RAP1GAP2: variants seen among roughly 807,000 people sequenced by gnomAD.
RAP1GAP2 encodes the protein RAP1 GTPase activating protein 2.
In RAP1GAP2, 27 loss-of-function variants were observed where a neutral mutation model predicts 95.0. The ratio of observed to expected loss-of-function variants is 0.28; its 90% confidence interval spans 0.21 to 0.39. The LOEUF (loss-of-function observed/expected upper bound fraction) is 0.39, where lower values mean the gene tolerates loss of function less well. Ranked by LOEUF, RAP1GAP2 falls within the 10% of genes least tolerant of loss-of-function variation. The pLI, the probability that RAP1GAP2 is intolerant of heterozygous loss-of-function variation, is 1.00. For missense variants in RAP1GAP2, 771 were observed against 970.0 expected (o/e 0.79, Z 2.72); for synonymous variants, 373 against 380.9 (o/e 0.98, Z 0.24).
intron 2 of RAP1GAP2, among the ~76,000 whole-genome samples, chr17:2,818,106 G>A (rs1185082792): frequency 1.3e-5 from 2 of 151,958 alleles, no homozygotes; most frequent in Non-Finnish European, 2.9e-5. Context: ...AAAGTGCTGG[G>A]ATTACAGGCG....
intron 11 of RAP1GAP2, among the ~76,000 whole-genome samples, chr17:2,987,154 A>T (rs2045585282): frequency 2.0e-5 from 3 of 152,240 alleles, no homozygotes. Flanking sequence ...CACAGGCAGC[A>T]GGCCAGACTT....
rs368216059 is a variant in RAP1GAP2 at position 2,860,039 on chromosome 17, C to T, written c.81-45245C>T. Among the ~76,000 whole-genome samples, 12 of 150,902 alleles carry T rather than the reference C, an allele frequency of 8.0e-5. 1 individual carries two copies. Among genetic ancestry groups the T allele is most frequent in the South Asian group, 4.2e-4 (2 of 4,794 alleles). Reference sequence around the variant, plus strand: ...TGTTTCTAGGGTGTGAACCTGGTATCGGGAGATTACCTGTGTCCTGCCATT... The same window carrying T: ...TGTTTCTAGGGTGTGAACCTGGTATTGGGAGATTACCTGTGTCCTGCCATT... On this transcript the variant is annotated intron_variant, in intron 2 of 24. Transcript: ENST00000254695.
At chr17:2,977,458 G>A (rs866472257) in intron 8 of RAP1GAP2, among the ~76,000 whole-genome samples, 10 of 151,840 alleles carry the variant, frequency 6.6e-5, no homozygotes, top group Admixed American at 1.3e-4. Context: ...TATTTCAAAG[G>A]ATCAAGCTGG....
intron 1 of RAP1GAP2, among the ~76,000 whole-genome samples, chr17:2,768,492 G>A (rs2068318838): frequency 6.6e-6 from 1 of 152,066 alleles, no homozygotes; most frequent in South Asian, 2.1e-4. Flanking sequence ...AGCAGTTCCA[G>A]ACCAGCCTGG....
At chr17:2,991,265 A>G (rs375575628) in intron 11 of RAP1GAP2, 32 bp from the exon 12 acceptor site, 7 of 1,510,722 alleles carry the variant, frequency 4.6e-6, no homozygotes, top group Non-Finnish European at 5.4e-6. Context: ...GAATTTTTCT[A>G]ATTCCTGCCC....
intron 1 of RAP1GAP2, among the ~76,000 whole-genome samples, chr17:2,780,258 T>C (rs981814416): frequency 2.0e-5 from 3 of 152,054 alleles, no homozygotes; most frequent in Non-Finnish European, 4.4e-5. Context: ...TCCATGTTGG[T>C]CAGGCTGGTC....
At chr17:2,911,792 C>T (rs764058331) in intron 3 of RAP1GAP2, among the ~76,000 whole-genome samples, 2 of 152,144 alleles carry the variant, frequency 1.3e-5, no homozygotes, top group Non-Finnish European at 2.9e-5. Flanking sequence ...CCTTCCCAGG[C>T]CCCGTGAAGT....
intron 2 of RAP1GAP2, among the ~76,000 whole-genome samples, chr17:2,830,584 G>C (rs1289967939): frequency 6.6e-6 from 1 of 151,562 alleles, no homozygotes; most frequent in Non-Finnish European, 1.5e-5. Flanking sequence ...CGTGGTGGCG[G>C]GCGCCTGTAG....
At position 2,998,247 on chromosome 17, in the gene RAP1GAP2, T is replaced by G. The variant is rs1235547167; in HGVS notation, c.1071T>G (p.Asn357Lys). ...TCCAGAGAAAGAGACACATTGGAAA[T>G]GACATCGTGGCCATCATCTTCCAAG... ...QQLQRKRHIG[N>K]DIVAIIFQEE... The change falls in exon 14 of 25, where the codon AAT becomes AAG. Residue 357 changes from asparagine to lysine, a missense_variant. Physicochemically the swap from Asn to Lys is moderately conservative, Grantham distance 94 (BLOSUM62 0). Transcript: ENST00000254695. 1 of 1,614,048 alleles carries G rather than the reference T, an allele frequency of 6.2e-7. No homozygotes were observed. The highest frequency in any genetic ancestry group is 8.5e-7 in the Non-Finnish European group (1 of 1,179,862).
chr17:2,947,173 G>A (rs1372165815), intron 3 of RAP1GAP2, among the ~76,000 whole-genome samples: 1 of 151,828 alleles, frequency 6.6e-6, no homozygotes, highest in African/African-American at 2.4e-5. Flanking sequence ...CCTCTGAAAC[G>A]CTCCAGCAGC....
chr17:2,770,053 A>G (rs1179527355), intron 1 of RAP1GAP2, among the ~76,000 whole-genome samples: 2 of 148,866 alleles, frequency 1.3e-5, no homozygotes, highest in African/African-American at 2.5e-5. Context: ...AGCCTGGGCA[A>G]CAGAGAGAGA....
intron 2 of RAP1GAP2, among the ~76,000 whole-genome samples, chr17:2,835,443 A>G (rs1438124446): frequency 1.3e-5 from 2 of 149,616 alleles, no homozygotes; most frequent in Admixed American, 6.6e-5. Flanking sequence ...ATGGTCTCGA[A>G]CTCCTGACCT....
chr17:2,769,124 C>G (rs1209730518), intron 1 of RAP1GAP2, among the ~76,000 whole-genome samples: 1 of 151,048 alleles, frequency 6.6e-6, no homozygotes, highest in African/African-American at 2.4e-5. Flanking sequence ...CCTAGCTACT[C>G]AAGATACCGA....
chr17:2,792,305 C>G (rs745533656), upstream of RAP1GAP2, among the ~76,000 whole-genome samples: 4 of 152,234 alleles, frequency 2.6e-5, no homozygotes, highest in Non-Finnish European at 5.9e-5. Context: ...TCGTCCTTGA[C>G]AGTAATGATA....
intron 11 of RAP1GAP2, 30 bp from the exon 12 acceptor site, chr17:2,991,267 T>G: frequency 6.6e-7 from 1 of 1,518,630 alleles, no homozygotes. Context: ...ATTTTTCTAA[T>G]TCCTGCCCTT....
intron 1 of RAP1GAP2, among the ~76,000 whole-genome samples, chr17:2,761,399 T>C (rs1390063801): frequency 6.7e-6 from 1 of 149,520 alleles, no homozygotes; most frequent in Non-Finnish European, 1.5e-5. Context: ...AGCGATTCTC[T>C]TGCCTCAGCC....
At chr17:2,864,008 C>T (rs2072520528) in intron 2 of RAP1GAP2, among the ~76,000 whole-genome samples, 2 of 151,928 alleles carry the variant, frequency 1.3e-5, no homozygotes, top group Admixed American at 6.6e-5. Flanking sequence ...GCCGAGATCG[C>T]GCCACTGCAC....
intron 3 of RAP1GAP2, among the ~76,000 whole-genome samples, chr17:2,935,984 G>A (rs1033009480): frequency 2.0e-5 from 3 of 152,130 alleles, no homozygotes; most frequent in Non-Finnish European, 1.5e-5. Context: ...TTCTGGTTTC[G>A]AGAGAAGAGA....
At position 2,821,988 on chromosome 17, in the gene RAP1GAP2, C is replaced by T. The variant is rs538591973; in HGVS notation, c.80+21438C>T. Among the ~76,000 whole-genome samples, 9 of 152,238 alleles carry T rather than the reference C, an allele frequency of 5.9e-5. No homozygotes were observed. In the South Asian group the frequency reaches 8.3e-4, roughly 14 times the overall value. ...CCCCCAGGCCAGAAGGCATCTGAAC[C>T]GCATAAAGCCAGTGCCACCGGGTGG... On this transcript the variant is annotated intron_variant, in intron 2 of 24. Transcript: ENST00000254695.
Sources: allele counts gnomAD v4.1 joint callset (sites outside exome capture counted in the v4.1 genomes callset), GRCh38; gene constraint gnomAD v4.1.1; transcripts MANE v1.5; gene names NCBI Gene and HGNC (gene_info 2026-07-23, HGNC 2026-07-21).